The following NMNAT2 variants were observed in gnomAD, a reference collection of about 807,000 sequenced individuals.
The protein encoded by NMNAT2 is nicotinamide nucleotide adenylyltransferase 2, also known as nicotinamide/nicotinic acid mononucleotide adenylyltransferase 2.
Under a neutral mutation model 41.6 loss-of-function variants are expected in NMNAT2, and 11 were observed. The ratio of observed to expected loss-of-function variants is 0.26; its 90% CI spans 0.17 to 0.44. NMNAT2 has a LOEUF of 0.44. Ranked by LOEUF, NMNAT2 falls within the 20% of genes least tolerant of loss-of-function variation. NMNAT2 has a pLI of 1.00. For synonymous variants in NMNAT2, 148 were observed against 151.2 expected, an observed-to-expected ratio of 0.98 and a Z score of 0.16; for missense variants, 288 against 407.7, an observed-to-expected ratio of 0.71 and a Z score of 2.53.
chr1:183,296,351 A>T (rs983005891), intron 1 of NMNAT2, among the ~76,000 whole-genome samples: 3 of 152,168 alleles, frequency 2.0e-5, no homozygotes, highest in African/African-American at 7.2e-5. Flanking sequence ...TCATATGGTA[A>T]GATTATGTTT....
chr1:183,307,307 C>CTT (rs35308886), intron 1 of NMNAT2, among the ~76,000 whole-genome samples: 6 of 138,348 alleles, frequency 4.3e-5, no homozygotes, highest in Non-Finnish European at 6.3e-5. Context: ...ACAAAGGGTT[C>CTT]TTTTTTTTTT....
At chr1:183,406,194 A>C (rs2101929335) in intron 1 of NMNAT2, among the ~76,000 whole-genome samples, 1 of 152,352 alleles carries the variant, frequency 6.6e-6, no homozygotes, top group South Asian at 2.1e-4. Flanking sequence ...ATTGAATTGA[A>C]TAGAGGGATG....
intron 1 of NMNAT2, among the ~76,000 whole-genome samples, chr1:183,327,058 G>GTATT (rs71127342): frequency 0.34 from 51,117 of 150,642 alleles, 9,661 homozygotes; most frequent in East Asian, 0.73. Context: ...ATGTATGTAT[G>GTATT]TATTTATTTT....
At chr1:183,352,105 C>T (rs978858737) in intron 1 of NMNAT2, among the ~76,000 whole-genome samples, 3 of 152,088 alleles carry the variant, frequency 2.0e-5, no homozygotes, top group East Asian at 3.9e-4. Context: ...TCTGGTATAA[C>T]CCAAAAAAGT....
At chr1:183,323,793 A>G (rs749082558) in intron 1 of NMNAT2, among the ~76,000 whole-genome samples, 6 of 152,216 alleles carry the variant, frequency 3.9e-5, no homozygotes, top group Non-Finnish European at 8.8e-5. Context: ...AGGTAGTTGT[A>G]AAACCTCTCC....
chr1:183,372,158 G>C (rs947319392), intron 1 of NMNAT2, among the ~76,000 whole-genome samples: 12 of 152,154 alleles, frequency 7.9e-5, no homozygotes, highest in Non-Finnish European at 1.6e-4. Flanking sequence ...AAAACAGGGG[G>C]CTGCTTCAGG....
intron 1 of NMNAT2, among the ~76,000 whole-genome samples, chr1:183,412,130 TGACAGA>T (rs918539475): frequency 5.3e-5 from 8 of 152,270 alleles, no homozygotes; most frequent in Non-Finnish European, 1.2e-4. Context: ...TGACTTTGAT[TGACAGA>T]GATACGGAGC....
intron 5 of NMNAT2, among the ~76,000 whole-genome samples, chr1:183,286,344 A>C (rs890113925): frequency 6.6e-6 from 1 of 152,110 alleles, no homozygotes; most frequent in African/African-American, 2.4e-5. Flanking sequence ...CACCCACCTC[A>C]GCCTCCCAAA....
chr1:183,366,634 T>G (rs1390644616), intron 1 of NMNAT2, among the ~76,000 whole-genome samples: 1 of 151,994 alleles, frequency 6.6e-6, no homozygotes, highest in Non-Finnish European at 1.5e-5. Flanking sequence ...ATAGAATGGG[T>G]GTGGGAGTGA....
chr1:183,370,345 G>A (rs933509230), intron 1 of NMNAT2, among the ~76,000 whole-genome samples: 24 of 151,646 alleles, frequency 1.6e-4, no homozygotes, highest in African/African-American at 5.8e-4. Flanking sequence ...TCTGTGATGT[G>A]CTAAATGTCT....
intron 1 of NMNAT2, among the ~76,000 whole-genome samples, chr1:183,303,300 A>G (rs1661911513): frequency 6.6e-6 from 1 of 152,226 alleles, no homozygotes; most frequent in Admixed American, 6.5e-5. Context: ...TGAGTGCCAA[A>G]CCAAGTAATT....
At chr1:183,271,010 G>A (rs1012996313) in intron 8 of NMNAT2, among the ~76,000 whole-genome samples, 2 of 152,152 alleles carry the variant, frequency 1.3e-5, no homozygotes, top group Non-Finnish European at 2.9e-5. Context: ...ACGGCTGGTT[G>A]GCTGGAAAAA....
At chr1:183,267,204 C>G (rs1473173519) in intron 8 of NMNAT2, 1 of 152,238 alleles carries the variant, frequency 6.6e-6, no homozygotes, top group Non-Finnish European at 1.5e-5. Context: ...GGAAAAACCA[C>G]TGGGGGAGAG....
At chr1:183,328,476 A>C (rs1333041997) in intron 1 of NMNAT2, among the ~76,000 whole-genome samples, 2 of 152,238 alleles carry the variant, frequency 1.3e-5, no homozygotes, top group Non-Finnish European at 2.9e-5. Flanking sequence ...TTGGGCAATG[A>C]AACCTCTGCT....
chr1:183,260,819 CAAAA>C (rs35660466), intron 10 of NMNAT2, among the ~76,000 whole-genome samples, 179 bp downstream of exon 10: 6 of 74,992 alleles, frequency 8.0e-5, no homozygotes, highest in Admixed American at 1.5e-4. Context: ...GACGCTGTCT[CAAAA>C]AAAAAAAAAA....
chr1:183,333,836 C>G (rs925222131), intron 1 of NMNAT2, among the ~76,000 whole-genome samples: 3 of 152,174 alleles, frequency 2.0e-5, no homozygotes, highest in African/African-American at 4.8e-5. Flanking sequence ...GCTGGTGCTT[C>G]CCCCTCCTGA....
chr1:183,311,240 G>A (rs1369992343), intron 1 of NMNAT2, among the ~76,000 whole-genome samples: 2 of 152,120 alleles, frequency 1.3e-5, no homozygotes, highest in East Asian at 1.9e-4. Flanking sequence ...CAGTCATTAA[G>A]AGCACAGGAT....
intron 10 of NMNAT2, among the ~76,000 whole-genome samples, chr1:183,258,943 T>G (rs967442840): frequency 1.3e-5 from 2 of 152,192 alleles, no homozygotes; most frequent in African/African-American, 4.8e-5. Context: ...ACTGATTTGA[T>G]AACAATAAAA....
At chr1:183,384,389 AG>A (rs1451790822) in intron 1 of NMNAT2, among the ~76,000 whole-genome samples, 1 of 152,040 alleles carries the variant, frequency 6.6e-6, no homozygotes, top group Non-Finnish European at 1.5e-5. Context: ...TAGTAGAGAC[AG>A]GGTTTCACCA....
Sources: gnomAD v4.1 joint callset for allele counts (sites outside exome capture counted in the v4.1 genomes callset) on GRCh38, gnomAD v4.1.1 for gene constraint, MANE v1.5 for transcripts, NCBI Gene and HGNC (gene_info 2026-07-23, HGNC 2026-07-21) for gene names.